MYO16: variants seen among roughly 807,000 people sequenced by gnomAD.
The protein encoded by MYO16 is myosin XVI, also known as unconventional myosin-XVI.
In MYO16, 94 loss-of-function variants were observed where a neutral mutation model predicts 205.3. The ratio of observed to expected loss-of-function variants is 0.46; its 90% CI spans 0.39 to 0.54. The LOEUF (loss-of-function observed/expected upper bound fraction) is 0.54, where lower values mean the gene tolerates loss of function less well. Among genes scored for constraint, MYO16 ranks in the 20% least tolerant of loss-of-function variants. The pLI is 0.00. For missense variants in MYO16, 2,315 were observed against 2,387.5 expected (o/e 0.97, Z 0.63); for synonymous variants, 988 against 954.0 (o/e 1.04, Z -0.66).
At position 108,616,551 on chromosome 13, in the gene MYO16, T is replaced by C. The variant is rs183712446; in HGVS notation, c.-39+20312T>C. 6.6e-5 allele frequency among the ~76,000 whole-genome samples: 10 copies of C among 152,238 alleles called. No individual in the cohort carries two copies. The East Asian group carries it at 1.5e-3, about 24-fold the overall frequency. ...GCAGTAATCCTTTTTCCCTTGTTCG[T>C]GTATAAACCACGCTGCCGGTGAATT... On this transcript the variant is annotated intron_variant, in intron 1 of 24. Transcript: ENST00000251041.
At position 109,125,405 on chromosome 13, in the gene MYO16, A is replaced by G. The variant is rs775285374; in HGVS notation, c.3782+47A>G. 65 of 1,601,020 alleles carry G rather than the reference A, an allele frequency of 4.1e-5. No homozygotes were observed. Among genetic ancestry groups the G allele is most frequent in the Non-Finnish European group, 5.3e-5 (62 of 1,172,602 alleles). ...TTTTAATTACCTTTGTGATTGGTTC[A>G]GTGGAGTCATGAAAATTCAAATAGC... On this transcript the variant is annotated intron_variant, in intron 30 of 34. Coordinates refer to ENST00000457511, the MANE Select transcript of MYO16 (RefSeq NM_001198950.3). The surrounding 1 kb of genome is among the most constrained non-coding windows in gnomAD (Gnocchi z 4.0).
At chr13:109,089,403 G>A (rs904721914) in intron 27 of MYO16, among the ~76,000 whole-genome samples, 1 of 151,840 alleles carries the variant, frequency 6.6e-6, no homozygotes, top group African/African-American at 2.4e-5. Flanking sequence ...TAGTAGAGAC[G>A]GGGTTTCGCC....
the MYO16 span, among the ~76,000 whole-genome samples, chr13:108,582,186 G>A: frequency 6.6e-6 from 1 of 152,014 alleles, no homozygotes; most frequent in African/African-American, 2.4e-5. Context: ...TGATTTTTGG[G>A]ACCTTCTCTT....
chr13:108,833,304 A>G (rs1277349794), intron 9 of MYO16, among the ~76,000 whole-genome samples: 1 of 151,980 alleles, frequency 6.6e-6, no homozygotes, highest in African/African-American at 2.4e-5. Flanking sequence ...CCAAACATAC[A>G]GCAATTAATT....
the MYO16 span, among the ~76,000 whole-genome samples, chr13:108,588,066 C>A: frequency 1.3e-5 from 2 of 151,406 alleles, no homozygotes; most frequent in Admixed American, 6.6e-5. Flanking sequence ...TTATTAATAC[C>A]ATTTCTTAGG....
At chr13:108,712,612 G>A (rs560566765) in intron 2 of MYO16, 49 bp from the exon 3 acceptor site, 23 of 1,539,160 alleles carry the variant, frequency 1.5e-5, no homozygotes, top group South Asian at 1.5e-4. Flanking sequence ...GGTTCCACAC[G>A]TGGAAGAAGG....
chr13:108,596,124 T>A (rs1327953508), upstream of MYO16: 1 of 150,942 alleles, frequency 6.6e-6, no homozygotes, highest in African/African-American at 2.4e-5. Flanking sequence ...GGGGGAGGGA[T>A]GTGTCAGACT....
At chr13:108,523,231 G>A in the MYO16 span, among the ~76,000 whole-genome samples, 4 of 152,170 alleles carry the variant, frequency 2.6e-5, no homozygotes, top group African/African-American at 9.7e-5. Context: ...CCTTGGTCCA[G>A]TGAGCAAGAA....
At chr13:108,844,127 T>C (rs537955043) in intron 9 of MYO16, among the ~76,000 whole-genome samples, 312 of 152,290 alleles carry the variant, frequency 2.0e-3, no homozygotes, top group Non-Finnish European at 3.4e-3. Flanking sequence ...CAAATAAGTA[T>C]ATACTTTTTT....
intron 4 of MYO16, among the ~76,000 whole-genome samples, chr13:108,736,465 GTTAT>G (rs1884703919): frequency 6.6e-6 from 1 of 152,034 alleles, no homozygotes; most frequent in African/African-American, 2.4e-5. Context: ...GATGTGTGGT[GTTAT>G]TTCTGAGGCC....
chr13:108,816,581 T>C (rs1046667129), intron 7 of MYO16, among the ~76,000 whole-genome samples: 4 of 152,236 alleles, frequency 2.6e-5, no homozygotes, highest in Non-Finnish European at 5.9e-5. Context: ...AGTTGCAAGA[T>C]AAGTTTCCCA....
intron 32 of MYO16, among the ~76,000 whole-genome samples, chr13:109,146,936 T>C (rs902398340): frequency 2.6e-5 from 4 of 151,914 alleles, no homozygotes; most frequent in African/African-American, 9.6e-5. Context: ...ATCATAGATG[T>C]TCTTTAAGAA....
intron 17 of MYO16, among the ~76,000 whole-genome samples, chr13:108,961,179 T>C (rs1220895332): frequency 1.3e-5 from 2 of 151,644 alleles, no homozygotes; most frequent in East Asian, 3.9e-4. Flanking sequence ...GGAGGGGGAG[T>C]GAAGTCTAAC....
chr13:108,627,162 G>A (rs530175276), upstream of MYO16, among the ~76,000 whole-genome samples: 22 of 151,786 alleles, frequency 1.4e-4, no homozygotes, highest in African/African-American at 5.3e-4. Flanking sequence ...ATTAATGCCT[G>A]CATTAGAAAT....
At position 109,182,065 on chromosome 13, in the gene MYO16, G is replaced by A. The variant is rs138807571; in HGVS notation, c.5415+2432G>A. ...AACTCCTGACCTCAGTGATCCGTCC[G>A]CCTCGGCCTCCCAAAGTGCTGGGAT... On this transcript the variant is annotated intron_variant, in intron 34 of 34. Coordinates refer to ENST00000457511, the MANE Select transcript of MYO16 (RefSeq NM_001198950.3). 7.6e-3 allele frequency among the ~76,000 whole-genome samples: 1,152 copies of A among 152,094 alleles called. 31 individuals carry two copies. The highest frequency in any genetic ancestry group is 0.04 in the East Asian group (208 of 5,158).
chr13:108,933,051 T>C (rs1420125451), intron 16 of MYO16, among the ~76,000 whole-genome samples: 2 of 151,888 alleles, frequency 1.3e-5, no homozygotes, highest in African/African-American at 2.4e-5. Flanking sequence ...GAGCTACAAA[T>C]AACAGAAGGT....
At position 108,703,518 on chromosome 13, in the gene MYO16, AG is replaced by A. The variant is rs376825459; in HGVS notation, c.293-9142del. ...ACAGCAATGGATGGAGCTAGACAAAAGTTCAACAGGAAAAAGAAGACTTGAA... is the reference window on the plus strand; with the variant it reads ...ACAGCAATGGATGGAGCTAGACAAAATTCAACAGGAAAAAGAAGACTTGAA... On this transcript the variant is annotated intron_variant, in intron 2 of 34. Coordinates refer to ENST00000457511, the MANE Select transcript of MYO16 (RefSeq NM_001198950.3). 2.2e-3 allele frequency among the ~76,000 whole-genome samples: 328 copies of A among 152,310 alleles called. 11 individuals carry two copies. The South Asian group carries it at 0.065, about 30-fold the overall frequency.
chr13:108,897,232 A>G (rs1440925915), intron 14 of MYO16, among the ~76,000 whole-genome samples: 1 of 152,144 alleles, frequency 6.6e-6, no homozygotes, highest in Non-Finnish European at 1.5e-5. Context: ...CATTTTGGAG[A>G]ATTGCTTGGT....
chr13:108,900,889 G>A (rs555358634), intron 15 of MYO16, among the ~76,000 whole-genome samples: 5 of 152,252 alleles, frequency 3.3e-5, no homozygotes, highest in South Asian at 2.1e-4. Flanking sequence ...GAGAAATATC[G>A]CTGAATTCTT....
Sources: allele counts gnomAD v4.1 joint callset (sites outside exome capture counted in the v4.1 genomes callset), GRCh38; gene constraint gnomAD v4.1.1; non-coding constraint Gnocchi (gnomAD v3.1); transcripts MANE v1.5; gene names NCBI Gene and HGNC (gene_info 2026-07-23, HGNC 2026-07-21).